Variants in PITX3 observed in about 807,000 individuals in gnomAD.
PITX3 encodes paired like homeodomain 3, also known as pituitary homeobox 3.
A neutral mutation model predicts 14.2 loss-of-function variants in PITX3; 4 were observed. The observed-to-expected ratio is 0.28, with a 90% CI of 0.14 to 0.65. PITX3 has a LOEUF of 0.65. Ranked by LOEUF, PITX3 falls within the 30% of genes least tolerant of loss-of-function variation. The probability of loss-of-function intolerance (pLI) is 0.82; values close to 1 mark genes in which losing one functional copy is unlikely to be tolerated. For missense variants in PITX3, 358 were observed against 426.8 expected (o/e 0.84, Z 1.42); for synonymous variants, 194 against 204.5 (o/e 0.95, Z 0.44).
rs760619378 is a variant in PITX3 at position 102,232,129 on chromosome 10, G to GA, written c.-12-38_-12-37insT. The GA allele has an allele frequency of 3.6e-5, 43 of 1,195,800 alleles. No homozygotes were observed. The African/African-American group carries it at 5.6e-4, about 16-fold the overall frequency. The allele number at this position is 1,195,800 out of a possible 1,614,324, so 74.1% of individuals were successfully genotyped here. The stretch of plus-strand genomic sequence containing the variant: ...AGAAGACACAGACCAGGGTAATGGG[G>GA]GTAAAATCTCCGGCTTAGCTAGGTC... On this transcript the variant is annotated intron_variant, in intron 1 of 3. Coordinates refer to ENST00000370002, the MANE Select transcript of PITX3 (RefSeq NM_005029.4).
chr10:102,230,517 T>C lies in PITX3; in HGVS notation c.906A>G (p.Val302=), dbSNP rs1245162913. 2.5e-6 allele frequency: 4 copies of C among 1,607,944 alleles called. No individual in the cohort carries two copies. Among genetic ancestry groups the C allele is most frequent in the Non-Finnish European group, 3.4e-6 (4 of 1,177,902 alleles). ...GATGATCTACGGGCGGGGCCGCTCA[T>C]ACGGGCCTTTCCACGGCGTACTGGC... The part of the protein sequence containing the change: ...SPCQYAVERP[V] The change falls in exon 4 of 4, where the codon GTA becomes GTG. Residue 302 remains valine, a synonymous_variant. Coordinates refer to ENST00000370002, the MANE Select transcript of PITX3 (RefSeq NM_005029.4).
chr10:102,234,562 G>A (rs958191224), intron 1 of PITX3, among the ~76,000 whole-genome samples: 7 of 152,190 alleles, frequency 4.6e-5, no homozygotes, highest in African/African-American at 1.7e-4. Flanking sequence ...AACTATGGTA[G>A]CCTTGGCTGG....
chr10:102,235,178 CA>C lies in PITX3; in HGVS notation c.-12-3087del, dbSNP rs58888990. Among the ~76,000 whole-genome samples, 183 of 109,510 alleles carry C rather than the reference CA, an allele frequency of 1.7e-3. 1 individual carries two copies. Among genetic ancestry groups the C allele is most frequent in the Non-Finnish European group, 1.9e-3 (101 of 51,800 alleles). The allele number at this position is 109,510 out of a possible 152,430, so 71.8% of individuals were successfully genotyped here. A position where few individuals can be genotyped will look rare whatever the true frequency, so the allele number is the denominator to read the frequency against. On this transcript the variant is annotated intron_variant, in intron 1 of 3. Transcript: ENST00000370002. ...CCATTATTACCCTTCCCCCACCCCCCACCCCCCCACCGCCTCCCTGGCCCCT... is the reference window on the plus strand; with the variant it reads ...CCATTATTACCCTTCCCCCACCCCCCCCCCCCCACCGCCTCCCTGGCCCCT...
chr10:102,241,203 C>G lies in PITX3; in HGVS notation c.-13+130G>C, dbSNP rs1395021756. 6.5e-6 allele frequency: 1 copy of G among 152,778 alleles called. No homozygotes were observed. Among genetic ancestry groups the G allele is most frequent in the Non-Finnish European group, 1.5e-5 (1 of 68,426 alleles). The allele number at this position is 152,778 out of a possible 1,614,324, so 9.5% of individuals were successfully genotyped here. ...TCCTGGCCCCAGGTCTGCAGTCCGC[C>G]CTCCCATTCTCGACCTGTTCCCAAG... On this transcript the variant is annotated intron_variant, in intron 1 of 3. Transcript: ENST00000370002. This position sits in a 1 kb window ranked among gnomAD's most constrained non-coding sequence, Gnocchi z 6.7.
In PITX3 at chr10:102,230,889, G is replaced by T. The variant is rs776726331; in HGVS notation, c.534C>A (p.Asn178Lys). Residue 178 changes from asparagine (N) to lysine (K), a missense_variant, in exon 4 of 4, where the codon AAC (asparagine) becomes AAA (lysine). Physicochemically the swap from Asn to Lys is moderately conservative, Grantham distance 94. Around this residue, in one of 3 missense-constraint regions of PITX3, gnomAD observed 236 missense variants for 250.2 expected, o/e 0.94. Coordinates refer to ENST00000370002, the MANE Select transcript of PITX3 (RefSeq NM_005029.4). ...KTFPFAFNSV[N>K]VGPLASQPVF... ...CGGGCTGCGAAGCCAGAGGCCCCAC[G>T]TTGACCGAGTTGAAGGCGAATGGAA... 1.2e-6 allele frequency: 2 copies of T among 1,610,578 alleles called. No individual in the cohort carries two copies. Among genetic ancestry groups the T allele is most frequent in the South Asian group, 1.1e-5 (1 of 90,740 alleles).
rs937705354 is a variant in PITX3, at chr10:102,237,718, G to A, written c.-13+3615C>T. On this transcript the variant is annotated intron_variant, in intron 1 of 3. Coordinates refer to ENST00000370002, the MANE Select transcript of PITX3 (RefSeq NM_005029.4). ...TGTTAAAAATGCAAACAAATTTTTC[G>A]TTCTATTCCATACTTTAGTCATGGA... Among the ~76,000 whole-genome samples, 5 of 151,974 alleles carry A rather than the reference G, an allele frequency of 3.3e-5. No individual in the cohort carries two copies. In the East Asian group the frequency reaches 7.7e-4, roughly 23 times the overall value.
At position 102,231,743 on chromosome 10, in the gene PITX3, C is replaced by G; in HGVS notation, c.166G>C (p.Gly56Arg). 2 of 1,609,638 alleles carry G rather than the reference C, an allele frequency of 1.2e-6. No individual in the cohort carries two copies. Among genetic ancestry groups the G allele is most frequent in the Non-Finnish European group, 1.7e-6 (2 of 1,178,534 alleles). Reference protein sequence around the residue: ...ASLPGGSPEDGSLKKKQRRQR... With the variant: ...ASLPGGSPEDRSLKKKQRRQR... ...CGCCGCTGCTTCTTTTTCAGCGAAC[C>G]GTCCTCTGGGGAGCCGCCGGGCAGC... The change falls in exon 3 of 4, where the codon GGT becomes CGT. Residue 56 changes from glycine to arginine, a missense_variant. This residue lies in a region of PITX3 where 72 missense variants were observed against 79.9 expected (regional missense o/e 0.90). Transcript: ENST00000370002.
rs749538425 is a variant in PITX3, at chr10:102,230,682, C to CGCG, written c.738_740dup (p.Ala250dup). On this transcript the variant is annotated inframe_insertion, in exon 4 of 4. Transcript: ENST00000370002. ...AGACGTAGGGGGAAGAGGCGGCAGCCGCGGCGGCGGCGGCGGCCGAGGCAT... is the reference window on the plus strand; with the variant it reads ...AGACGTAGGGGGAAGAGGCGGCAGCCGCGGCGGCGGCGGCGGCGGCCGAGGCAT... The CGCG allele has an allele frequency of 5.4e-4, 847 of 1,578,622 alleles. No homozygotes were observed. Among genetic ancestry groups the CGCG allele is most frequent in the Non-Finnish European group, 6.9e-4 (801 of 1,163,304 alleles).
chr10:102,233,547 G>T (rs933987710), intron 1 of PITX3, among the ~76,000 whole-genome samples: 1 of 152,004 alleles, frequency 6.6e-6, no homozygotes, highest in Non-Finnish European at 1.5e-5. Flanking sequence ...CAGGTGATCT[G>T]CCTGCCTCGG....
At chr10:102,234,663 A>G (rs182219375) in intron 1 of PITX3, among the ~76,000 whole-genome samples, 28 of 152,304 alleles carry the variant, frequency 1.8e-4, no homozygotes, top group African/African-American at 6.3e-4. Flanking sequence ...TTCATACCCA[A>G]GATGCCCTTG....
chr10:102,230,786 C>G lies in PITX3; in HGVS notation c.637G>C (p.Gly213Arg), dbSNP rs977551279. The change falls in exon 4 of 4, where the codon GGG becomes CGG. Residue 213 changes from glycine to arginine, a missense_variant. Gly to Arg is a moderately radical substitution (Grantham distance 125). Coordinates refer to ENST00000370002, the MANE Select transcript of PITX3 (RefSeq NM_005029.4). ...CCCCCGCCCAGGCCCTGCAGGGCCC[C>G]AGGCCCTGGCACGGTGCCCGGGGCA... ...AAAPGTVPGP[G>R]ALQGLGGGPP... 3 of 1,545,336 alleles carry G rather than the reference C, an allele frequency of 1.9e-6. No homozygotes were observed. The South Asian group carries it at 3.6e-5, about 18-fold the overall frequency.
In PITX3 at chr10:102,230,751, C is replaced by T; in HGVS notation, c.672G>A (p.Gly224=). The change falls in exon 4 of 4, where the codon GGG becomes GGA. Residue 224 remains glycine, a synonymous_variant. Transcript: ENST00000370002. The stretch of plus-strand genomic sequence containing the variant: ...CGGAGGACACGGCGGCCGGAGCCAG[C>T]CCGGGGGGGCCCCCGCCCAGGCCCT... ...ALQGLGGGPP[G]LAPAAVSSGA... is the part of the protein sequence containing the mutation. The T allele has an allele frequency of 6.7e-7, 1 of 1,488,506 alleles. No homozygotes were observed. The allele number at this position is 1,488,506 out of a possible 1,614,324, so 92.2% of individuals were successfully genotyped here.
At chr10:102,237,803 A>G (rs898057816) in intron 1 of PITX3, among the ~76,000 whole-genome samples, 4 of 152,032 alleles carry the variant, frequency 2.6e-5, no homozygotes, top group Non-Finnish European at 4.4e-5. Flanking sequence ...CCCAATCTTC[A>G]AGTGATATCA....
chr10:102,231,281 G>C (rs2070227512), intron 3 of PITX3, among the ~76,000 whole-genome samples, 180 bp from the exon 4 acceptor site: 1 of 152,228 alleles, frequency 6.6e-6, no homozygotes, highest in South Asian at 2.1e-4. Flanking sequence ...AGAAGGCGCG[G>C]GCGGCTGGAC....
intron 1 of PITX3, among the ~76,000 whole-genome samples, chr10:102,239,759 C>A (rs895201734): frequency 3.3e-5 from 5 of 152,352 alleles, no homozygotes; most frequent in Admixed American, 1.3e-4. Context: ...ACTCGTTCTC[C>A]CTGTTCTGTC....
At chr10:102,236,317 T>C (rs1011250868) in intron 1 of PITX3, among the ~76,000 whole-genome samples, 3 of 152,166 alleles carry the variant, frequency 2.0e-5, no homozygotes, top group African/African-American at 7.2e-5. Context: ...TGGTTGATGC[T>C]AGTAAGAAAT....
At position 102,232,124 on chromosome 10, in the gene PITX3, A is replaced by T. The variant is rs746242840; in HGVS notation, c.-12-32T>A. ...GCGAGAGAAGACACAGACCAGGGTA[A>T]TGGGGGTAAAATCTCCGGCTTAGCT... is the stretch of plus-strand genomic sequence containing the variant. On this transcript the variant is annotated intron_variant, in intron 1 of 3. Coordinates refer to ENST00000370002, the MANE Select transcript of PITX3 (RefSeq NM_005029.4). 4 of 1,245,116 alleles carry T rather than the reference A, an allele frequency of 3.2e-6. No individual in the cohort carries two copies. In the East Asian group the frequency reaches 9.5e-5, roughly 30 times the overall value. 77.1% of individuals were successfully genotyped at this position (1,245,116 alleles called of 1,614,324 possible).
chr10:102,230,992 T>C lies in PITX3; in HGVS notation c.431A>G (p.Tyr144Cys), dbSNP rs369108819. ...AAPLGGLVPP[Y>C]EEVYPGYSYG... is the part of the protein sequence containing the mutation. ...CGAGTAGCCGGGGTACACCTCCTCG[T>C]AGGGCGGCACCAGCCCCCCGAGCGG... is the stretch of plus-strand genomic sequence containing the variant. The change falls in exon 4 of 4, where the codon TAC becomes TGC. Residue 144 changes from tyrosine (Y) to cysteine (C), a missense_variant. By Grantham distance (194) the Tyr-to-Cys change is radical. Transcript: ENST00000370002. 38 of 1,603,166 alleles carry C rather than the reference T, an allele frequency of 2.4e-5. No individual in the cohort carries two copies. The highest frequency in any genetic ancestry group is 3.1e-5 in the Non-Finnish European group (37 of 1,176,638).
chr10:102,233,845 C>T (rs753534842), intron 1 of PITX3, among the ~76,000 whole-genome samples: 1 of 152,198 alleles, frequency 6.6e-6, no homozygotes, highest in Non-Finnish European at 1.5e-5. Flanking sequence ...CTTAGCCTCA[C>T]ATTGCCCAGG....
Sources: allele counts gnomAD v4.1 joint callset (sites outside exome capture counted in the v4.1 genomes callset), GRCh38; gene constraint gnomAD v4.1.1; regional missense constraint gnomAD v4.1.1; non-coding constraint Gnocchi (gnomAD v3.1); transcripts MANE v1.5; gene names NCBI Gene and HGNC (gene_info 2026-07-23, HGNC 2026-07-21).